The following ADCY5 variants were observed in gnomAD, a reference collection of about 807,000 sequenced individuals.
ADCY5 encodes the protein adenylate cyclase 5, also known as adenylate cyclase type 5.
In ADCY5, 30 loss-of-function variants were observed where a neutral mutation model predicts 119.7. The ratio of observed to expected loss-of-function variants is 0.25; its 90% CI spans 0.19 to 0.34. The LOEUF is 0.34. ADCY5 is among the 10% of genes least tolerant of loss of function. ADCY5 has a pLI of 1.00. For synonymous variants in ADCY5, 753 were observed against 762.2 expected (o/e 0.99, Z 0.20); for missense variants, 1,324 against 1,775.2 (o/e 0.75, Z 4.57).
At chr3:123,311,306 C>G (rs1389637455) in intron 12 of ADCY5, among the ~76,000 whole-genome samples, 1 of 152,226 alleles carries the variant, frequency 6.6e-6, no homozygotes, top group Non-Finnish European at 1.5e-5. Context: ...TTTGTGACAG[C>G]ACCTGCAAAG....
Position 123,396,733 on chromosome 3 carries a change from GGAAGGAAGGA to G in ADCY5, c.1135-44162_1135-44153del, listed in dbSNP as rs1559860527. 7.1e-4 allele frequency among the ~76,000 whole-genome samples: 7 copies of G among 9,826 alleles called. No homozygotes were observed. The East Asian group carries it at 0.014, about 19-fold the overall frequency. The allele number at this position is 9,826 out of a possible 152,430, so 6.4% of individuals were successfully genotyped here. Reference sequence around the variant, plus strand: ...GAGGGAGAGAGAAGGGAGGGAGGAAGGAAGGAAGGAAGGAAGGAAGGAAGGAAGGAAGGAA... The same window carrying G: ...GAGGGAGAGAGAAGGGAGGGAGGAAGAGGAAGGAAGGAAGGAAGGAAGGAA... On this transcript the variant is annotated intron_variant, in intron 1 of 20. Transcript: ENST00000462833.
rs547449152 is a variant in ADCY5, at chr3:123,296,857, T to A, written c.2930+496A>T. ...AAAAGCAGCCATTCCAAATCCTACG[T>A]CTTGTGCCTGCCAAGAGCTCAACCC... On this transcript the variant is annotated intron_variant, in intron 16 of 20. Transcript: ENST00000462833. 1.6e-4 allele frequency: 112 copies of A among 716,102 alleles called. 4 individuals carry two copies. Among genetic ancestry groups the A allele is most frequent in the Non-Finnish European group, 7.3e-5 (33 of 452,358 alleles). The allele number at this position is 716,102 out of a possible 1,614,324, so 44.4% of individuals were successfully genotyped here. A position where few individuals can be genotyped will look rare whatever the true frequency, so the allele number is the denominator to read the frequency against.
intron 1 of ADCY5, among the ~76,000 whole-genome samples, chr3:123,432,857 G>A (rs1028384400): frequency 3.9e-5 from 6 of 152,196 alleles, no homozygotes; most frequent in Admixed American, 3.9e-4. Context: ...GCAGGGCCCA[G>A]GCACAAGGAA....
Position 123,408,938 on chromosome 3 carries a change from G to T in ADCY5, c.1134+38474C>A, listed in dbSNP as rs551377519. On this transcript the variant is annotated intron_variant, in intron 1 of 20. Transcript: ENST00000462833. The stretch of plus-strand genomic sequence containing the variant: ...TGCAGTGAGCCGAGGTCCTGCCACT[G>T]CACTCCAGCCTGGGCAACAGAGTGA... Among the ~76,000 whole-genome samples, 5 of 152,264 alleles carry T rather than the reference G, an allele frequency of 3.3e-5. No individual in the cohort carries two copies. In the East Asian group the frequency reaches 9.6e-4, roughly 29 times the overall value.
At chr3:123,443,412 C>T (rs1307487797) in intron 1 of ADCY5, among the ~76,000 whole-genome samples, 1 of 152,154 alleles carries the variant, frequency 6.6e-6, no homozygotes, top group East Asian at 1.9e-4. Flanking sequence ...ACAAAGGCTT[C>T]CCAGGCCCAC....
At chr3:123,392,558 G>A (rs1944427526) in intron 1 of ADCY5, among the ~76,000 whole-genome samples, 1 of 152,166 alleles carries the variant, frequency 6.6e-6, no homozygotes, top group East Asian at 1.9e-4. Flanking sequence ...AAGGCCAGAG[G>A]GCACAAAGCT....
intron 1 of ADCY5, among the ~76,000 whole-genome samples, chr3:123,378,653 C>T (rs1264393557): frequency 6.6e-6 from 1 of 152,218 alleles, no homozygotes; most frequent in Non-Finnish European, 1.5e-5. Flanking sequence ...AGCCCCACTT[C>T]GTTGTGAAAA....
Position 123,289,854 on chromosome 3 carries a change from A to C in ADCY5, c.3428T>G (p.Val1143Gly). Residue 1143 changes from valine (V) to glycine (G), a missense_variant, in exon 19 of 21, where the codon GTG becomes GGG. By Grantham distance (109) the Val-to-Gly change is moderately radical. This residue lies in a region of ADCY5 where 178 missense variants were observed against 329.6 expected (regional missense o/e 0.54). Coordinates refer to ENST00000462833, the MANE Select transcript of ADCY5 (RefSeq NM_183357.3). Reference sequence around the variant, plus strand: ...CAGTGCCTTGATGTGGGTCTTGCCCACCTTGTCGTAGGTAGAGTCGTTGAG... The same window carrying C: ...CAGTGCCTTGATGTGGGTCTTGCCCCCCTTGTCGTAGGTAGAGTCGTTGAG... ...SGLNDSTYDK[V>G]GKTHIKALAD... 2 of 1,614,172 alleles carry C rather than the reference A, an allele frequency of 1.2e-6. No homozygotes were observed. Among genetic ancestry groups the C allele is most frequent in the Non-Finnish European group, 1.7e-6 (2 of 1,180,026 alleles).
Position 123,416,317 on chromosome 3 carries a change from T to C in ADCY5, c.1134+31095A>G, listed in dbSNP as rs1945184769. ...TTCCCCAAAAAGGGGCTAAAGGCAATAACCTCCTTCCCTAGGACATTTATA... is the reference window on the plus strand; with the variant it reads ...TTCCCCAAAAAGGGGCTAAAGGCAACAACCTCCTTCCCTAGGACATTTATA... On this transcript the variant is annotated intron_variant, in intron 1 of 20. Coordinates refer to ENST00000462833, the MANE Select transcript of ADCY5 (RefSeq NM_183357.3). 2.6e-6 allele frequency: 4 copies of C among 1,535,738 alleles called. No individual in the cohort carries two copies. In the East Asian group the frequency reaches 9.8e-5, roughly 38 times the overall value.
chr3:123,415,330 C>T (rs1945160550), intron 1 of ADCY5, among the ~76,000 whole-genome samples: 1 of 152,190 alleles, frequency 6.6e-6, no homozygotes, highest in African/African-American at 2.4e-5. Context: ...CCCCCAGCTC[C>T]ACGGTACACT....
intron 1 of ADCY5, among the ~76,000 whole-genome samples, chr3:123,426,883 G>A (rs1218051262): frequency 6.6e-6 from 1 of 152,100 alleles, no homozygotes; most frequent in African/African-American, 2.4e-5. Context: ...GACTCTTCGG[G>A]TGCTTAACAC....
At chr3:123,420,726 C>T (rs1263365325) in intron 1 of ADCY5, among the ~76,000 whole-genome samples, 2 of 152,232 alleles carry the variant, frequency 1.3e-5, no homozygotes, top group Non-Finnish European at 2.9e-5. Flanking sequence ...TCAGATCCTG[C>T]ACTAGTCTGC....
chr3:123,304,252 A>T, intron 12 of ADCY5, 69 bp from the exon 13 acceptor site: 1 of 1,076,832 alleles, frequency 9.3e-7, no homozygotes, highest in Non-Finnish European at 1.4e-6. Flanking sequence ...GGACTCCACA[A>T]ATGGTCCCGG....
At chr3:123,320,544 C>T (rs1391391487) in intron 9 of ADCY5, among the ~76,000 whole-genome samples, 1 of 152,200 alleles carries the variant, frequency 6.6e-6, no homozygotes, top group Non-Finnish European at 1.5e-5. Context: ...TGTCCTTCTG[C>T]TGGGTGGCCT....
chr3:123,337,796 T>C (rs1003181706), intron 3 of ADCY5, among the ~76,000 whole-genome samples: 27 of 152,244 alleles, frequency 1.8e-4, no homozygotes, highest in African/African-American at 6.5e-4. Context: ...GTATCTTCTT[T>C]TAGGGGGATA....
At chr3:123,312,996 T>G (rs1222347581) in intron 12 of ADCY5, among the ~76,000 whole-genome samples, 4 of 151,744 alleles carry the variant, frequency 2.6e-5, no homozygotes, top group Admixed American at 2.6e-4. Context: ...GGAAGGAGGG[T>G]CAGTGGACAG....
intron 1 of ADCY5, chr3:123,418,886 C>T (rs1945239879): frequency 2.6e-5 from 4 of 152,330 alleles, no homozygotes; most frequent in Non-Finnish European, 4.4e-5. Context: ...CCATCTTCCC[C>T]TGCCCTTGGA....
chr3:123,373,553 G>A (rs1336387238), intron 1 of ADCY5, among the ~76,000 whole-genome samples: 1 of 152,218 alleles, frequency 6.6e-6, no homozygotes, highest in Non-Finnish European at 1.5e-5. Context: ...TGCCCTGAAG[G>A]ACGCTGGGGA....
At chr3:123,297,080 C>G in intron 16 of ADCY5, 1 of 1,529,176 alleles carries the variant, frequency 6.5e-7, no homozygotes, top group East Asian at 2.4e-5. Context: ...AGGTTAAATG[C>G]TTTAACATGA....
Sources: allele counts gnomAD v4.1 joint callset (sites outside exome capture counted in the v4.1 genomes callset), GRCh38; gene constraint gnomAD v4.1.1; regional missense constraint gnomAD v4.1.1; transcripts MANE v1.5; gene names NCBI Gene and HGNC (gene_info 2026-07-23, HGNC 2026-07-21).